SLAIN2: variants seen among roughly 807,000 people sequenced by gnomAD.
The protein encoded by SLAIN2 is SLAIN family member 2.
Under a neutral mutation model 56.6 loss-of-function variants are expected in SLAIN2, and 31 were observed. The observed-to-expected ratio is 0.55, with a 90% confidence interval of 0.41 to 0.74. SLAIN2 has a LOEUF of 0.74. Among genes scored for constraint, SLAIN2 ranks in the 30% least tolerant of loss-of-function variants. The probability of loss-of-function intolerance (pLI) is 0.00; values close to 1 mark genes in which losing one functional copy is unlikely to be tolerated. For synonymous variants in SLAIN2, 317 were observed against 284.9 expected (o/e 1.11, Z -1.13); for missense variants, 777 against 754.2 (o/e 1.03, Z -0.35).
intron 4 of SLAIN2, 87 bp downstream of exon 4, chr4:48,379,935 G>A (rs1461034351): frequency 2.6e-6 from 3 of 1,150,806 alleles, no homozygotes; most frequent in Non-Finnish European, 3.5e-6. Flanking sequence ...TATTGTGGGG[G>A]TAGTAATGTA....
intron 6 of SLAIN2, among the ~76,000 whole-genome samples, chr4:48,388,177 G>A (rs549873535): frequency 6.6e-6 from 1 of 152,092 alleles, no homozygotes; most frequent in South Asian, 2.1e-4. Flanking sequence ...ATTTATGAGA[G>A]TTCTAATGTA....
chr4:48,359,838 T>A (rs772196003), intron 1 of SLAIN2, among the ~76,000 whole-genome samples: 1 of 152,210 alleles, frequency 6.6e-6, no homozygotes, highest in Non-Finnish European at 1.5e-5. Context: ...AACTCAGTAT[T>A]TAACAGTATA....
chr4:48,385,069 T>C (rs764180274), intron 6 of SLAIN2, among the ~76,000 whole-genome samples: 9 of 152,130 alleles, frequency 5.9e-5, no homozygotes, highest in Non-Finnish European at 1.0e-4. Context: ...AGGAAACATA[T>C]GCAGCATAGA....
chr4:48,405,263 G>T (rs1044633138), intron 6 of SLAIN2, among the ~76,000 whole-genome samples: 3 of 152,064 alleles, frequency 2.0e-5, no homozygotes, highest in Non-Finnish European at 4.4e-5. Context: ...ACCCTCTCTT[G>T]ACCCCTCCCC....
intron 2 of SLAIN2, among the ~76,000 whole-genome samples, chr4:48,373,347 C>T (rs923900061): frequency 1.3e-5 from 2 of 152,122 alleles, no homozygotes; most frequent in African/African-American, 4.8e-5. Context: ...CCTTTGCTTC[C>T]TCTCTGCCTG....
intron 6 of SLAIN2, among the ~76,000 whole-genome samples, chr4:48,387,994 AGT>A (rs1716142409): frequency 1.3e-5 from 2 of 152,086 alleles, no homozygotes; most frequent in South Asian, 4.1e-4. Context: ...TCAGCTCTTA[AGT>A]GGTAAAGCTT....
Position 48,383,690 on chromosome 4 carries a change from T to C in SLAIN2, c.1266T>C (p.Asn422=). The C allele has an allele frequency of 6.2e-7, 1 of 1,609,138 alleles. No individual in the cohort carries two copies. The highest frequency in any genetic ancestry group is 8.5e-7 in the Non-Finnish European group (1 of 1,177,016). ...RSLPNLSRTS[N]TQVDSVKSSR... ...TTCCAAACCTGTCCCGAACATCTAATACACAAGTTGACTCAGTGAAAAGCA... is the reference window on the plus strand; with the variant it reads ...TTCCAAACCTGTCCCGAACATCTAACACACAAGTTGACTCAGTGAAAAGCA... The change falls in exon 6 of 8, where the codon AAT becomes AAC. Residue 422 remains asparagine, a synonymous_variant. Coordinates refer to ENST00000264313, the MANE Select transcript of SLAIN2 (RefSeq NM_020846.2).
intron 6 of SLAIN2, among the ~76,000 whole-genome samples, chr4:48,405,798 A>T (rs1174380606): frequency 5.9e-5 from 9 of 151,956 alleles, no homozygotes; most frequent in Admixed American, 5.9e-4. Flanking sequence ...TATAAAGAGA[A>T]TTTTTTCCTT....
Position 48,412,365 on chromosome 4 carries a change from TACACACACACACACAC to T in SLAIN2, c.1361-7724_1361-7709del, listed in dbSNP as rs748099130. On this transcript the variant is annotated intron_variant, in intron 6 of 7. Transcript: ENST00000264313. ...TTCCTGTAATGTATGTTTGTATATG[TACACACACACACACAC>T]ACACACACACACACACACACACACA... 2.0e-3 allele frequency among the ~76,000 whole-genome samples: 225 copies of T among 112,980 alleles called. 7 individuals carry two copies. The highest frequency in any genetic ancestry group is 5.4e-3 in the African/African-American group (161 of 30,084). 74.1% of individuals were successfully genotyped at this position (112,980 alleles called of 152,430 possible).
At chr4:48,352,479 T>A (rs979862098) in intron 1 of SLAIN2, among the ~76,000 whole-genome samples, 2 of 152,256 alleles carry the variant, frequency 1.3e-5, no homozygotes, top group Non-Finnish European at 2.9e-5. Flanking sequence ...CATTTTGATC[T>A]TATTAATGTT....
rs754706915 is a variant in SLAIN2 at position 48,341,850 on chromosome 4, C to T, written c.111C>T (p.Ala37=). ...AACAGCTGAGGAGCCGCTCGGGGGC[C>T]GTGCAGGGCGCCGGCTCCCTTGGGC... ...QNEQLRSRSG[A]VQGAGSLGPG... Residue 37 remains alanine, a synonymous_variant, in exon 1 of 8, where the codon GCC becomes GCT. Transcript: ENST00000264313. The T allele has an allele frequency of 5.3e-6, 8 of 1,522,624 alleles. No individual in the cohort carries two copies. The highest frequency in any genetic ancestry group is 2.7e-5 in the East Asian group (1 of 37,100). 94.3% of individuals were successfully genotyped at this position (1,522,624 alleles called of 1,614,324 possible). A position where few individuals can be genotyped will look rare whatever the true frequency, so the allele number is the denominator to read the frequency against.
intron 3 of SLAIN2, among the ~76,000 whole-genome samples, chr4:48,379,049 G>A (rs1189903650): frequency 6.6e-6 from 1 of 152,068 alleles, no homozygotes; most frequent in Non-Finnish European, 1.5e-5. Context: ...AAAAGTTGAC[G>A]ATCTGATGAA....
chr4:48,349,163 A>G (rs1335315415), intron 1 of SLAIN2, among the ~76,000 whole-genome samples: 1 of 152,152 alleles, frequency 6.6e-6, no homozygotes, highest in Admixed American at 6.6e-5. Context: ...CACTGTTTAT[A>G]TACCCTTTTT....
chr4:48,373,364 G>T (rs1412991431), intron 2 of SLAIN2, among the ~76,000 whole-genome samples: 2 of 152,018 alleles, frequency 1.3e-5, no homozygotes, highest in African/African-American at 4.8e-5. Flanking sequence ...CCTGTTTTAG[G>T]TTTAGGTTGC....
Position 48,342,004 on chromosome 4 carries a change from G to GAAGAGC in SLAIN2, c.266_271dup (p.Glu90_Leu91insGlnGlu). ...GTCGGGCCCGAGGCGGACGAGTAGC[G>GAAGAGC]AAGAGCTGCGGGACGCCACCTCCTT... On this transcript the variant is annotated inframe_insertion, in exon 1 of 8. Transcript: ENST00000264313. 7.0e-7 allele frequency: 1 copy of GAAGAGC among 1,423,252 alleles called. No homozygotes were observed. The highest frequency in any genetic ancestry group is 9.1e-7 in the Non-Finnish European group (1 of 1,093,376). 88.2% of individuals were successfully genotyped at this position (1,423,252 alleles called of 1,614,324 possible). A position where few individuals can be genotyped will look rare whatever the true frequency, so the allele number is the denominator to read the frequency against.
chr4:48,398,882 G>A (rs1716477491), intron 6 of SLAIN2, among the ~76,000 whole-genome samples: 2 of 152,198 alleles, frequency 1.3e-5, no homozygotes, highest in South Asian at 2.1e-4. Context: ...GTACTATGCC[G>A]TTTTGGTAAC....
chr4:48,352,205 C>G (rs866143445), intron 1 of SLAIN2, among the ~76,000 whole-genome samples: 1 of 152,126 alleles, frequency 6.6e-6, no homozygotes, highest in African/African-American at 2.4e-5. Context: ...GGCTAGAAAA[C>G]AGCCTCTGAG....
rs1485057960 is a variant in SLAIN2, at chr4:48,377,898, C to G, written c.541C>G (p.Leu181Val). Residue 181 changes from leucine (L) to valine (V), a missense_variant and splice_region_variant, in exon 3 of 8, where the codon CTC becomes GTC. By Grantham distance (32) the Leu-to-Val change is conservative. Coordinates refer to ENST00000264313, the MANE Select transcript of SLAIN2 (RefSeq NM_020846.2). The stretch of plus-strand genomic sequence containing the variant: ...TTTTCCCCTTCTCATTAATGCAGCT[C>G]TCAAGAGGCAGAATTTATATAATAA... ...IHKLDQTMSALKRQNLYNNPF... is the reference protein window; with the variant it reads ...IHKLDQTMSAVKRQNLYNNPF... 6.2e-7 allele frequency: 1 copy of G among 1,612,948 alleles called. No individual in the cohort carries two copies.
intron 6 of SLAIN2, among the ~76,000 whole-genome samples, chr4:48,388,608 A>G (rs574568922): frequency 1.3e-5 from 2 of 152,344 alleles, no homozygotes; most frequent in Admixed American, 6.5e-5. Flanking sequence ...GTACAAGGCC[A>G]TATAACTAGG....
Sources: gnomAD v4.1 joint callset for allele counts (sites outside exome capture counted in the v4.1 genomes callset) on GRCh38, gnomAD v4.1.1 for gene constraint, MANE v1.5 for transcripts, NCBI Gene and HGNC (gene_info 2026-07-23, HGNC 2026-07-21) for gene names.